MCUR1: variants seen among roughly 807,000 people sequenced by gnomAD.
The protein encoded by MCUR1 is mitochondrial calcium uniporter regulator 1, also known as MCU regulator 1.
A neutral mutation model predicts 42.0 loss-of-function variants in MCUR1; 37 were observed. That is an observed-to-expected ratio of 0.88 (90% CI 0.68 to 1.16). The LOEUF (loss-of-function observed/expected upper bound fraction) is 1.16. Ranked by LOEUF, MCUR1 falls within the 50% of genes most tolerant of loss-of-function variation. The pLI, the probability that MCUR1 is intolerant of heterozygous loss-of-function variation, is 0.00. For synonymous variants in MCUR1, 229 were observed against 196.2 expected, an observed-to-expected ratio of 1.17 and a Z score of -1.40; for missense variants, 469 against 468.4, an observed-to-expected ratio of 1.00 and a Z score of -0.01.
chr6:13,806,729 C>T (rs1201488844), intron 2 of MCUR1, among the ~76,000 whole-genome samples, 196 bp downstream of exon 2: 1 of 152,146 alleles, frequency 6.6e-6, no homozygotes, highest in Non-Finnish European at 1.5e-5. Context: ...AGGCAGGTTA[C>T]AGTGAACCAA....
chr6:13,814,122 G>A lies in MCUR1; in HGVS notation c.308C>T (p.Pro103Leu). ...ERSRLGYAAP[P>L]AGRSSAWRCS... ...CCTCCACGCGCTGCTGCGCCCGGCC[G>A]GGGGTGCGGCATACCCGAGGCGCGA... is the stretch of plus-strand genomic sequence containing the variant. The change falls in exon 1 of 9, where the codon CCG becomes CTG. Residue 103 changes from proline (P) to leucine (L), a missense_variant. Transcript: ENST00000379170. The A allele has an allele frequency of 7.9e-7, 1 of 1,258,550 alleles. No individual in the cohort carries two copies. The highest frequency in any genetic ancestry group is 9.9e-7 in the Non-Finnish European group (1 of 1,006,040). 78.0% of individuals were successfully genotyped at this position (1,258,550 alleles called of 1,614,324 possible). A position where few individuals can be genotyped will look rare whatever the true frequency, so the allele number is the denominator to read the frequency against.
In MCUR1 at chr6:13,814,237, G is replaced by C; in HGVS notation, c.193C>G (p.Arg65Gly). 1 of 1,469,564 alleles carries C rather than the reference G, an allele frequency of 6.8e-7. No homozygotes were observed. Among genetic ancestry groups the C allele is most frequent in the Non-Finnish European group, 8.9e-7 (1 of 1,118,192 alleles). The allele number at this position is 1,469,564 out of a possible 1,614,324, so 91.0% of individuals were successfully genotyped here. A position where few individuals can be genotyped will look rare whatever the true frequency, so the allele number is the denominator to read the frequency against. The change falls in exon 1 of 9, where the codon CGT becomes GGT. Residue 65 changes from arginine (R) to glycine (G), a missense_variant. Physicochemically the swap from Arg to Gly is moderately radical, Grantham distance 125. Transcript: ENST00000379170. ...AGGAGGAGGAGCAGCGGTGAGGCAC[G>C]TGACACGCCGCCGCGGGCCGCCGGG... ...RAPAARGGVSRASPLLLLLLV... is the reference protein window; with the variant it reads ...RAPAARGGVSGASPLLLLLLV...
At position 13,814,202 on chromosome 6, in the gene MCUR1, G is replaced by T; in HGVS notation, c.228C>A (p.Pro76=). 3 of 1,412,442 alleles carry T rather than the reference G, an allele frequency of 2.1e-6. No individual in the cohort carries two copies. Among genetic ancestry groups the T allele is most frequent in the Non-Finnish European group, 2.7e-6 (3 of 1,091,516 alleles). 87.5% of individuals were successfully genotyped at this position (1,412,442 alleles called of 1,614,324 possible). The change falls in exon 1 of 9, where the codon CCC becomes CCA. Residue 76 remains proline (P), a synonymous_variant. Transcript: ENST00000379170. ...GGGCTGCGGCGGCCAAGCGCGGGGAGGGCACTAGCAGGAGGAGGAGCAGCG... is the reference window on the plus strand; with the variant it reads ...GGGCTGCGGCGGCCAAGCGCGGGGATGGCACTAGCAGGAGGAGGAGCAGCG... The part of the protein sequence containing the change: ...ASPLLLLLLV[P]SPRLAAAAPR...
chr6:13,798,389 C>T (rs1167305722), intron 6 of MCUR1, among the ~76,000 whole-genome samples: 2 of 151,966 alleles, frequency 1.3e-5, no homozygotes, highest in Non-Finnish European at 1.5e-5. Context: ...CGTGAGCTAC[C>T]GCGCCCGGCC....
intron 8 of MCUR1, among the ~76,000 whole-genome samples, chr6:13,791,218 G>A (rs1447492033): frequency 6.6e-6 from 1 of 152,130 alleles, no homozygotes; most frequent in Admixed American, 6.5e-5. Flanking sequence ...TCTTTTTGTA[G>A]AGACTAGGTC....
Position 13,800,393 on chromosome 6 carries a change from AT to A in MCUR1, c.742-12del. 1 of 1,423,266 alleles carries A rather than the reference AT, an allele frequency of 7.0e-7. No homozygotes were observed. The highest frequency in any genetic ancestry group is 1.2e-5 in the South Asian group (1 of 80,480). 88.2% of individuals were successfully genotyped at this position (1,423,266 alleles called of 1,614,324 possible). On this transcript the variant is annotated splice_polypyrimidine_tract_variant and intron_variant, in intron 4 of 8. Transcript: ENST00000379170. ...TTCGAGTTTTATTTTCTAAAAACACATAAAAAAAAAGTCATTAGAAAGAACA... is the reference window on the plus strand; with the variant it reads ...TTCGAGTTTTATTTTCTAAAAACACAAAAAAAAAAGTCATTAGAAAGAACA...
intron 6 of MCUR1, among the ~76,000 whole-genome samples, chr6:13,795,862 C>T (rs767847038): frequency 3.3e-5 from 5 of 152,078 alleles, no homozygotes; most frequent in Non-Finnish European, 5.9e-5. Context: ...CCAAACACCA[C>T]CTGTTCCCCC....
intron 1 of MCUR1, among the ~76,000 whole-genome samples, chr6:13,808,191 G>C (rs941127017): frequency 6.6e-6 from 1 of 152,122 alleles, no homozygotes; most frequent in African/African-American, 2.4e-5. Context: ...AGCACGAAGG[G>C]CCTGACCAGA....
In MCUR1 at chr6:13,810,772, A is replaced by G. The variant is rs182170125; in HGVS notation, c.415+3243T>C. 5.9e-5 allele frequency among the ~76,000 whole-genome samples: 9 copies of G among 152,320 alleles called. No homozygotes were observed. The East Asian group carries it at 1.7e-3, about 29-fold the overall frequency. ...GAGTGCAAGAGATGCAATAATCCAT[A>G]TCTGTATCAAGAACCATTTGCAGAC... On this transcript the variant is annotated intron_variant, in intron 1 of 8. Transcript: ENST00000379170.
At chr6:13,796,438 A>G (rs1310136613) in intron 6 of MCUR1, among the ~76,000 whole-genome samples, 1 of 151,898 alleles carries the variant, frequency 6.6e-6, no homozygotes, top group Non-Finnish European at 1.5e-5. Context: ...CAGGTGGGCC[A>G]TCACGCTGGG....
chr6:13,793,008 G>A (rs1759766283), intron 7 of MCUR1, among the ~76,000 whole-genome samples: 1 of 151,442 alleles, frequency 6.6e-6, no homozygotes, highest in African/African-American at 2.4e-5. Context: ...CTCAAGTAGG[G>A]CATGGTGGTG....
chr6:13,793,716 A>G (rs1759786839), intron 7 of MCUR1, among the ~76,000 whole-genome samples, 178 bp downstream of exon 7: 1 of 152,216 alleles, frequency 6.6e-6, no homozygotes, highest in Non-Finnish European at 1.5e-5. Flanking sequence ...ACTGAACTGT[A>G]CACTTAAAAA....
intron 2 of MCUR1, among the ~76,000 whole-genome samples, chr6:13,805,284 G>A (rs144199671): frequency 7.9e-4 from 120 of 151,810 alleles, no homozygotes; most frequent in African/African-American, 2.6e-3. Context: ...GAGCCACCTC[G>A]CCTGGCCTTA....
In MCUR1 at chr6:13,788,899, A is replaced by G. The variant is rs1385564710; in HGVS notation, c.*1910T>C. The G allele has an allele frequency of 1.3e-5, 2 of 152,198 alleles. No homozygotes were observed. The highest frequency in any genetic ancestry group is 2.4e-5 in the African/African-American group (1 of 41,446). 9.4% of individuals were successfully genotyped at this position (152,198 alleles called of 1,614,324 possible). ...ATTCTCTAAAAGGGCAATGACTTAT[A>G]TTTTCCAAAGTTTAGACATGACATC... On this transcript the variant is annotated 3_prime_UTR_variant, in exon 9 of 9. Coordinates refer to ENST00000379170, the MANE Select transcript of MCUR1 (RefSeq NM_001031713.4).
intron 6 of MCUR1, among the ~76,000 whole-genome samples, chr6:13,797,783 G>C (rs944517157): frequency 6.6e-6 from 1 of 152,026 alleles, no homozygotes; most frequent in African/African-American, 2.4e-5. Flanking sequence ...CAGCACTTTA[G>C]GAGGACAAGG....
chr6:13,793,075 G>A (rs1759767534), intron 7 of MCUR1, among the ~76,000 whole-genome samples: 3 of 139,816 alleles, frequency 2.1e-5, no homozygotes, highest in African/African-American at 8.1e-5. Context: ...GCAGTGAGCT[G>A]AGATTGAGCC....
rs1760320714 is a variant in MCUR1 at position 13,814,308 on chromosome 6, C to T, written c.122G>A (p.Cys41Tyr). 1.3e-6 allele frequency: 2 copies of T among 1,505,166 alleles called. No individual in the cohort carries two copies. The highest frequency in any genetic ancestry group is 1.2e-5 in the South Asian group (1 of 81,350). The allele number at this position is 1,505,166 out of a possible 1,614,324, so 93.2% of individuals were successfully genotyped here. A position where few individuals can be genotyped will look rare whatever the true frequency, so the allele number is the denominator to read the frequency against. Residue 41 changes from cysteine (C) to tyrosine (Y), a missense_variant, in exon 1 of 9, where the codon TGC becomes TAC. By Grantham distance (194) the Cys-to-Tyr change is radical. Transcript: ENST00000379170. The stretch of plus-strand genomic sequence containing the variant: ...CAGACCGTCGGAGAGCGCAGAGAGG[C>T]AGCGGCGTGCTGAGGTTTCGCTGCC... ...PGGSETSARR[C>Y]LSALSDGLGA... is the part of the protein sequence containing the mutation.
Position 13,814,253 on chromosome 6 carries a change from G to A in MCUR1, c.177C>T (p.Ala59=), listed in dbSNP as rs984569353. The A allele has an allele frequency of 6.4e-5, 95 of 1,473,442 alleles. No homozygotes were observed. Among genetic ancestry groups the A allele is most frequent in the Non-Finnish European group, 8.2e-5 (92 of 1,119,916 alleles). 91.3% of individuals were successfully genotyped at this position (1,473,442 alleles called of 1,614,324 possible). The change falls in exon 1 of 9, where the codon GCC becomes GCT. Residue 59 remains alanine (A), a synonymous_variant. Transcript: ENST00000379170. ...LGALRPRAPA[A]RGGVSRASPL... ...GTGAGGCACGTGACACGCCGCCGCG[G>A]GCCGCCGGGGCGCGAGGGCGCAGCG...
At chr6:13,801,592 G>A (rs1160613442) in intron 3 of MCUR1, among the ~76,000 whole-genome samples, 3 of 152,198 alleles carry the variant, frequency 2.0e-5, no homozygotes, top group Non-Finnish European at 4.4e-5. Context: ...GCTCACACCT[G>A]TAATCCCAAT....
Sources: gnomAD v4.1 joint callset for allele counts (sites outside exome capture counted in the v4.1 genomes callset) on GRCh38, gnomAD v4.1.1 for gene constraint, MANE v1.5 for transcripts, NCBI Gene and HGNC (gene_info 2026-07-23, HGNC 2026-07-21) for gene names.